Variants in TLL1 observed in about 807,000 individuals in gnomAD.
The protein encoded by TLL1 is tolloid-like protein 1.
A neutral mutation model predicts 128.2 loss-of-function variants in TLL1; 49 were observed. The ratio of observed to expected loss-of-function variants is 0.38; its 90% CI spans 0.30 to 0.48. The LOEUF (loss-of-function observed/expected upper bound fraction) is 0.48, where lower values mean the gene tolerates loss of function less well. TLL1 is among the 20% of genes least tolerant of loss of function. The pLI is 0.96. For synonymous variants in TLL1, 454 were observed against 418.8 expected, an observed-to-expected ratio of 1.08 and a Z score of -1.03; for missense variants, 1,123 against 1,242.0, an observed-to-expected ratio of 0.90 and a Z score of 1.44.
chr4:165,999,157 T>C (rs753112196), intron 5 of TLL1, among the ~76,000 whole-genome samples: 2 of 152,134 alleles, frequency 1.3e-5, no homozygotes, highest in Non-Finnish European at 2.9e-5. Flanking sequence ...CCCTCCAAAC[T>C]GTACCAACCA....
intron 1 of TLL1, among the ~76,000 whole-genome samples, chr4:165,985,157 G>A (rs948869278): frequency 4.6e-5 from 7 of 151,960 alleles, no homozygotes; most frequent in African/African-American, 1.2e-4. Context: ...CGAGGAAGCC[G>A]GCTGAAAACA....
Position 166,039,211 on chromosome 4 carries a change from G to A in TLL1, c.1159-128G>A, listed in dbSNP as rs17590344. The A allele has an allele frequency of 0.49, 330,740 of 681,200 alleles. 83,461 individuals carry two copies. Among genetic ancestry groups the A allele is most frequent in the African/African-American group, 0.72 (39,686 of 55,144 alleles). The allele number at this position is 681,200 out of a possible 1,614,324, so 42.2% of individuals were successfully genotyped here. On this transcript the variant is annotated intron_variant, in intron 9 of 20. Transcript: ENST00000061240. ...GAAAAAAACTATTAGGATAATTATA[G>A]TATAGAAAAACAATTAGCTGCACAT...
At chr4:166,061,506 A>T (rs1413305279) in intron 15 of TLL1, among the ~76,000 whole-genome samples, 2 of 151,938 alleles carry the variant, frequency 1.3e-5, no homozygotes, top group Admixed American at 1.3e-4. Flanking sequence ...CAGCCTCCAG[A>T]AGTGCTGGGA....
At position 165,873,838 on chromosome 4, in the gene TLL1, C is replaced by T. The variant is rs1730599374; in HGVS notation, c.-67C>T. ...GAGCACCGGTGCCCCTAGCCCCGCA[C>T]ATCAGCGCGGACCGCGGCTGCCTAA... On this transcript the variant is annotated 5_prime_UTR_variant, in exon 1 of 21. Coordinates refer to ENST00000061240, the MANE Select transcript of TLL1 (RefSeq NM_012464.5). 2 of 1,591,430 alleles carry T rather than the reference C, an allele frequency of 1.3e-6. No individual in the cohort carries two copies. The highest frequency in any genetic ancestry group is 3.3e-5 in the Admixed American group (2 of 59,866).
Position 166,055,082 on chromosome 4 carries a change from A to G in TLL1, c.1531A>G (p.Arg511Gly). ...ATATTTTTTTCTGTTGCAGATTGAA[A>G]GACATGACAATTGTGCTTATGACTA... ...GLTFQSFEIERHDNCAYDYLE... is the reference protein window; with the variant it reads ...GLTFQSFEIEGHDNCAYDYLE... Residue 511 changes from arginine (R) to glycine (G), a missense_variant, in exon 13 of 21, where the codon AGA becomes GGA. Coordinates refer to ENST00000061240, the MANE Select transcript of TLL1 (RefSeq NM_012464.5). 1.2e-6 allele frequency: 2 copies of G among 1,609,864 alleles called. No individual in the cohort carries two copies. The highest frequency in any genetic ancestry group is 1.7e-6 in the Non-Finnish European group (2 of 1,178,718).
At chr4:165,914,102 T>A (rs1732668650) in intron 1 of TLL1, among the ~76,000 whole-genome samples, 1 of 152,282 alleles carries the variant, frequency 6.6e-6, no homozygotes, top group East Asian at 1.9e-4. Context: ...TCTAGCACCA[T>A]CAAGAAATGA....
chr4:166,004,041 G>A (rs952125663), intron 6 of TLL1, among the ~76,000 whole-genome samples: 1 of 151,986 alleles, frequency 6.6e-6, no homozygotes, highest in Non-Finnish European at 1.5e-5. Flanking sequence ...TCATTTCCAA[G>A]CTAATATAAA....
At position 165,877,969 on chromosome 4, in the gene TLL1, CAA is replaced by C. The variant is rs559750006; in HGVS notation, c.169+3899_169+3900del. ...TCTGTAGACATTTGTGAACACCTGA[CAA>C]AAGACTTTCTACCTAGAAGCTCCTG... On this transcript the variant is annotated intron_variant, in intron 1 of 20. Transcript: ENST00000061240. 2.8e-3 allele frequency among the ~76,000 whole-genome samples: 426 copies of C among 152,238 alleles called. 1 individual carries two copies. The highest frequency in any genetic ancestry group is 9.7e-3 in the African/African-American group (404 of 41,546).
At chr4:166,030,366 T>C (rs999706019) in intron 9 of TLL1, 2 of 415,600 alleles carry the variant, frequency 4.8e-6, no homozygotes, top group African/African-American at 4.1e-5. Context: ...TTTGATTTTG[T>C]CTTTCAACTG....
intron 6 of TLL1, among the ~76,000 whole-genome samples, chr4:166,006,579 T>C (rs1737439655): frequency 6.6e-6 from 1 of 151,760 alleles, no homozygotes; most frequent in African/African-American, 2.4e-5. Context: ...ATAGATTTGT[T>C]ATATTAGACT....
At chr4:165,957,798 G>T (rs556601527) in intron 1 of TLL1, among the ~76,000 whole-genome samples, 156 of 150,026 alleles carry the variant, frequency 1.0e-3, no homozygotes, top group Admixed American at 3.5e-3. Context: ...TGCCATGCTG[G>T]TGTGCCGCAC....
At position 166,097,093 on chromosome 4, in the gene TLL1, T is replaced by C. The variant is rs74648066; in HGVS notation, c.2657-2184T>C. Among the ~76,000 whole-genome samples the C allele has an allele frequency of 5.8e-3, 877 of 152,206 alleles. 2 individuals are homozygous for C. The highest frequency in any genetic ancestry group is 8.2e-3 in the Non-Finnish European group (555 of 67,994). ...CTAAGCACTCTTCATCTGGACCCTA[T>C]GATGTGAGTACTATGGATGATTCCC... On this transcript the variant is annotated intron_variant, in intron 19 of 20. Transcript: ENST00000061240.
intron 6 of TLL1, 61 bp downstream of exon 6, chr4:166,003,630 G>T (rs543186682): frequency 1.3e-6 from 2 of 1,552,154 alleles, no homozygotes; most frequent in African/African-American, 2.7e-5. Flanking sequence ...TTGTATTTAT[G>T]CAGTTTATTA....
At chr4:165,902,987 A>T (rs189025734) in intron 1 of TLL1, among the ~76,000 whole-genome samples, 3 of 152,206 alleles carry the variant, frequency 2.0e-5, no homozygotes, top group African/African-American at 7.2e-5. Flanking sequence ...TACTTCATCA[A>T]AATTAAGTTC....
intron 18 of TLL1, among the ~76,000 whole-genome samples, chr4:166,087,437 T>C (rs1741575057): frequency 6.6e-6 from 1 of 152,140 alleles, no homozygotes; most frequent in Non-Finnish European, 1.5e-5. Context: ...ACGCCATTTT[T>C]TTCCAGTGGC....
At chr4:166,051,689 G>A (rs898599257) in intron 12 of TLL1, among the ~76,000 whole-genome samples, 9 of 152,266 alleles carry the variant, frequency 5.9e-5, no homozygotes, top group Admixed American at 3.9e-4. Context: ...GGAAAAATAA[G>A]TAACTGAAGA....
chr4:165,898,544 A>T (rs922359451), intron 1 of TLL1, among the ~76,000 whole-genome samples: 1 of 152,092 alleles, frequency 6.6e-6, no homozygotes, highest in Admixed American at 6.5e-5. Flanking sequence ...ATTGATTTGC[A>T]TATGTTGAAC....
chr4:166,031,155 A>C (rs1040225723), intron 9 of TLL1, among the ~76,000 whole-genome samples: 2 of 152,114 alleles, frequency 1.3e-5, no homozygotes, highest in Admixed American at 1.3e-4. Flanking sequence ...ATGTAACAAA[A>C]TGTATCTTAA....
At chr4:165,920,607 A>T (rs933584486) in intron 1 of TLL1, among the ~76,000 whole-genome samples, 4 of 152,236 alleles carry the variant, frequency 2.6e-5, no homozygotes, top group African/African-American at 7.2e-5. Flanking sequence ...TGCTTGTATT[A>T]AGATGGAATT....
Sources: allele counts gnomAD v4.1 joint callset (sites outside exome capture counted in the v4.1 genomes callset), GRCh38; gene constraint gnomAD v4.1.1; transcripts MANE v1.5; gene names NCBI Gene and HGNC (gene_info 2026-07-23, HGNC 2026-07-21).